Variants in SEPTIN9 observed in about 807,000 individuals in gnomAD.
SEPTIN9 encodes the protein septin 9.
Under a neutral mutation model 56.6 loss-of-function variants are expected in SEPTIN9, and 13 were observed. That is an observed-to-expected ratio of 0.23 (90% CI 0.15 to 0.37). The LOEUF (loss-of-function observed/expected upper bound fraction) is 0.37, where lower values mean the gene tolerates loss of function less well. Ranked by LOEUF, SEPTIN9 falls within the 10% of genes least tolerant of loss-of-function variation. The pLI is 1.00. For synonymous variants in SEPTIN9, 332 were observed against 334.1 expected, an observed-to-expected ratio of 0.99 and a Z score of 0.07; for missense variants, 650 against 823.1, an observed-to-expected ratio of 0.79 and a Z score of 2.57.
At chr17:77,396,524 G>C (rs754942732) in intron 2 of SEPTIN9, among the ~76,000 whole-genome samples, 17 of 152,142 alleles carry the variant, frequency 1.1e-4, no homozygotes, top group Admixed American at 2.0e-4. Context: ...CTACCCCTGG[G>C]CAGGTTATGC....
Position 77,451,880 on chromosome 17 carries a change from G to A in SEPTIN9, c.722-30264G>A, listed in dbSNP as rs72896174. ...TTCCTTTTCGCAAGGGGTTTCCCTG[G>A]CTTCCAGGAGGGCCAGGAAGAAATT... On this transcript the variant is annotated intron_variant, in intron 3 of 11. Transcript: ENST00000427177. This position sits in a 1 kb window ranked among gnomAD's most constrained non-coding sequence, Gnocchi z 4.2. Among the ~76,000 whole-genome samples, 1,739 of 152,338 alleles carry A rather than the reference G, an allele frequency of 0.011. 13 individuals carry two copies. The highest frequency in any genetic ancestry group is 0.024 in the Middle Eastern group (7 of 294).
intron 2 of SEPTIN9, among the ~76,000 whole-genome samples, chr17:77,350,573 C>G (rs2034023648): frequency 6.6e-6 from 1 of 152,056 alleles, no homozygotes; most frequent in Non-Finnish European, 1.5e-5. Flanking sequence ...AGCTCTAGAT[C>G]TGGAAGAAGC....
At position 77,371,385 on chromosome 17, in the gene SEPTIN9, G is replaced by A. The variant is rs1461537746; in HGVS notation, c.77-30674G>A. Among the ~76,000 whole-genome samples the A allele has an allele frequency of 6.6e-6, 1 of 152,236 alleles. No individual in the cohort carries two copies. Among genetic ancestry groups the A allele is most frequent in the Non-Finnish European group, 1.5e-5 (1 of 68,038 alleles). ...CGTGGAGATGGAGAATGTACAATTGGCTGACCCTGTGCTAATCTGGTGGAA... is the reference window on the plus strand; with the variant it reads ...CGTGGAGATGGAGAATGTACAATTGACTGACCCTGTGCTAATCTGGTGGAA... On this transcript the variant is annotated intron_variant, in intron 2 of 11. Transcript: ENST00000427177. The surrounding 1 kb of genome is among the most constrained non-coding windows in gnomAD (Gnocchi z 4.1).
intron 3 of SEPTIN9, among the ~76,000 whole-genome samples, chr17:77,428,152 A>G (rs1282151775): frequency 2.0e-5 from 3 of 152,216 alleles, no homozygotes; most frequent in African/African-American, 4.8e-5. Flanking sequence ...GGGCATTGCC[A>G]GGATTTAGCC....
At chr17:77,301,621 C>G (rs1008340370) in intron 1 of SEPTIN9, among the ~76,000 whole-genome samples, 1 of 152,116 alleles carries the variant, frequency 6.6e-6, no homozygotes, top group Non-Finnish European at 1.5e-5. Context: ...CCATGTTGGT[C>G]AGGCTGATCT....
chr17:77,475,844 G>A lies in SEPTIN9; in HGVS notation c.722-6300G>A, dbSNP rs758483057. 2.0e-5 allele frequency: 32 copies of A among 1,613,424 alleles called. No homozygotes were observed. The highest frequency in any genetic ancestry group is 1.3e-4 in the East Asian group (6 of 44,892). On this transcript the variant is annotated intron_variant, in intron 3 of 11. Coordinates refer to ENST00000427177, the MANE Select transcript of SEPTIN9 (RefSeq NM_001113491.2). The surrounding 1 kb of genome is among the most constrained non-coding windows in gnomAD (Gnocchi z 4.6). ...CTGGTCAGTGGCTTCACAGGCCTCC[G>A]TGGGCAGGAGGAGGATGACCTTGCA...
At chr17:77,301,086 T>G (rs1285739698) in intron 1 of SEPTIN9, among the ~76,000 whole-genome samples, 1 of 56,772 alleles carries the variant, frequency 1.8e-5, no homozygotes. Context: ...ACCCCCATCC[T>G]AGGCTCAAAC....
intron 2 of SEPTIN9, among the ~76,000 whole-genome samples, chr17:77,360,816 G>A (rs1478493397): frequency 6.6e-6 from 1 of 151,782 alleles, no homozygotes; most frequent in South Asian, 2.1e-4. Context: ...TGCCCTCCTC[G>A]GCCTCCCAAA....
chr17:77,472,226 A>T (rs2039032500), intron 3 of SEPTIN9, among the ~76,000 whole-genome samples: 1 of 152,124 alleles, frequency 6.6e-6, no homozygotes, highest in Non-Finnish European at 1.5e-5. Context: ...GAGCCCTTGG[A>T]CCTTGTCCAA....
chr17:77,406,771 A>G (rs1235631349), intron 3 of SEPTIN9, among the ~76,000 whole-genome samples: 1 of 152,006 alleles, frequency 6.6e-6, no homozygotes, highest in Admixed American at 6.6e-5. Context: ...CCCAGGTTCA[A>G]GCGATTCTTC....
At chr17:77,424,854 T>A (rs2036842002) in intron 3 of SEPTIN9, among the ~76,000 whole-genome samples, 2 of 152,174 alleles carry the variant, frequency 1.3e-5, no homozygotes, top group Admixed American at 6.5e-5. Flanking sequence ...TGAATGGGCA[T>A]CCGGGCACTG....
At position 77,499,835 on chromosome 17, in the gene SEPTIN9, G is replaced by A. The variant is rs1338523230; in HGVS notation, c.*1177G>A. On this transcript the variant is annotated 3_prime_UTR_variant, in exon 12 of 12. Coordinates refer to ENST00000427177, the MANE Select transcript of SEPTIN9 (RefSeq NM_001113491.2). ...CGAGCCTGACTCTGTTGATCTACCCGTGCCTGGGCCCCTCCCCTCAGAGCC... is the reference window on the plus strand; with the variant it reads ...CGAGCCTGACTCTGTTGATCTACCCATGCCTGGGCCCCTCCCCTCAGAGCC... 6 of 317,080 alleles carry A rather than the reference G, an allele frequency of 1.9e-5. No homozygotes were observed. Among genetic ancestry groups the A allele is most frequent in the Non-Finnish European group, 3.0e-5 (5 of 168,366 alleles). The allele number at this position is 317,080 out of a possible 1,614,324, so 19.6% of individuals were successfully genotyped here.
rs574201365 is a variant in SEPTIN9 at position 77,453,479 on chromosome 17, C to T, written c.722-28665C>T. 6.6e-6 allele frequency among the ~76,000 whole-genome samples: 1 copy of T among 152,216 alleles called. No homozygotes were observed. Among genetic ancestry groups the T allele is most frequent in the Admixed American group, 6.5e-5 (1 of 15,276 alleles). On this transcript the variant is annotated intron_variant, in intron 3 of 11. Coordinates refer to ENST00000427177, the MANE Select transcript of SEPTIN9 (RefSeq NM_001113491.2). This position sits in a 1 kb window ranked among gnomAD's most constrained non-coding sequence, Gnocchi z 4.4. ...GCTAATCCGGGCATGGTGGCGCGTG[C>T]CTGTAATGGCAGCTACTCGGGAGGC...
At chr17:77,385,940 G>GACCTC (rs1400239618) in intron 2 of SEPTIN9, among the ~76,000 whole-genome samples, 1 of 152,238 alleles carries the variant, frequency 6.6e-6, no homozygotes, top group Non-Finnish European at 1.5e-5. Context: ...AGCTGGGACA[G>GACCTC]ACCTCACCGT....
intron 3 of SEPTIN9, among the ~76,000 whole-genome samples, chr17:77,432,020 G>A (rs1022507055): frequency 2.6e-5 from 4 of 152,078 alleles, no homozygotes; most frequent in African/African-American, 9.7e-5. Flanking sequence ...GGAGGTTTCA[G>A]CAGAGGGTGG....
intron 3 of SEPTIN9, among the ~76,000 whole-genome samples, chr17:77,459,628 G>A (rs1454142647): frequency 6.6e-6 from 1 of 152,136 alleles, no homozygotes; most frequent in Non-Finnish European, 1.5e-5. Context: ...TTGGCTTCTG[G>A]GGAGGCCCCA....
chr17:77,412,129 CAAAAAAAA>C (rs756030644), intron 3 of SEPTIN9, among the ~76,000 whole-genome samples: 10 of 67,396 alleles, frequency 1.5e-4, no homozygotes, highest in East Asian at 4.2e-4. Context: ...GACTCCCTAT[CAAAAAAAA>C]AAAAAAAAAA....
At chr17:77,488,097 G>C (rs2039871999) in intron 5 of SEPTIN9, 143 bp from the exon 6 acceptor site, 1 of 732,938 alleles carries the variant, frequency 1.4e-6, no homozygotes, top group Non-Finnish European at 2.4e-6. Context: ...TGCCGGAGTT[G>C]GCTGAGGAAG....
At chr17:77,408,453 C>CG (rs199833496) in intron 3 of SEPTIN9, among the ~76,000 whole-genome samples, 2 of 152,184 alleles carry the variant, frequency 1.3e-5, no homozygotes, top group African/African-American at 4.8e-5. Context: ...CAGGCCCCCC[C>CG]GAGCTGATGA....
Sources: allele counts gnomAD v4.1 joint callset (sites outside exome capture counted in the v4.1 genomes callset), GRCh38; gene constraint gnomAD v4.1.1; non-coding constraint Gnocchi (gnomAD v3.1); transcripts MANE v1.5; gene names NCBI Gene and HGNC (gene_info 2026-07-23, HGNC 2026-07-21).